ZFAND3: variants seen among roughly 807,000 people sequenced by gnomAD.
ZFAND3 encodes zinc finger AN1-type containing 3, also known as AN1-type zinc finger protein 3.
In ZFAND3, 10 loss-of-function variants were observed where a neutral mutation model predicts 29.6. That is an observed-to-expected ratio of 0.34 (90% CI 0.21 to 0.57). ZFAND3 has a LOEUF of 0.57. Ranked by LOEUF, ZFAND3 falls within the 20% of genes least tolerant of loss-of-function variation. The pLI is 0.86. For missense variants in ZFAND3, 230 were observed against 304.5 expected, an observed-to-expected ratio of 0.76 and a Z score of 1.82; for synonymous variants, 128 against 112.6, an observed-to-expected ratio of 1.14 and a Z score of -0.87.
chr6:38,068,208 C>A (rs939648729), intron 3 of ZFAND3, among the ~76,000 whole-genome samples: 7 of 152,110 alleles, frequency 4.6e-5, no homozygotes, highest in Non-Finnish European at 8.8e-5. Context: ...CCAAATCCAG[C>A]CTATCATCTG....
intron 5 of ZFAND3, among the ~76,000 whole-genome samples, chr6:38,146,733 T>G (rs1318350219): frequency 1.3e-5 from 2 of 152,168 alleles, no homozygotes; most frequent in African/African-American, 4.8e-5. Flanking sequence ...TTCCTCTCTC[T>G]TTTTGGGGGG....
At chr6:38,040,466 T>C (rs1763738296) in intron 2 of ZFAND3, among the ~76,000 whole-genome samples, 1 of 152,150 alleles carries the variant, frequency 6.6e-6, no homozygotes, top group African/African-American at 2.4e-5. Flanking sequence ...TACTACATTT[T>C]GTTTATACAT....
intron 4 of ZFAND3, among the ~76,000 whole-genome samples, chr6:38,086,629 C>T (rs1252407996): frequency 1.3e-5 from 2 of 152,180 alleles, no homozygotes; most frequent in Non-Finnish European, 2.9e-5. Context: ...TCCCTTTTGT[C>T]CCTCATCTTT....
chr6:38,088,995 T>C (rs1266771762), intron 4 of ZFAND3, among the ~76,000 whole-genome samples: 3 of 151,372 alleles, frequency 2.0e-5, no homozygotes, highest in African/African-American at 7.4e-5. Context: ...CCCTCCCTAT[T>C]TTCGGTCACC....
chr6:37,974,473 C>T, intron 2 of ZFAND3, among the ~76,000 whole-genome samples: 1 of 149,908 alleles, frequency 6.7e-6, no homozygotes, highest in East Asian at 2.0e-4. Flanking sequence ...AGCGTGATCA[C>T]ACCTCACTGC....
At chr6:37,854,433 C>T (rs1764338693) in intron 1 of ZFAND3, among the ~76,000 whole-genome samples, 1 of 152,134 alleles carries the variant, frequency 6.6e-6, no homozygotes, top group African/African-American at 2.4e-5. Context: ...CTTTATAGCT[C>T]AAGTCCCTTT....
At chr6:37,888,772 A>G (rs912173456) in intron 1 of ZFAND3, among the ~76,000 whole-genome samples, 1 of 152,234 alleles carries the variant, frequency 6.6e-6, no homozygotes, top group African/African-American at 2.4e-5. Flanking sequence ...TTTTGGCTGC[A>G]AGAGACTTAA....
rs1345218811 is a variant in ZFAND3, at chr6:37,883,656, C to T, written c.72-46303C>T. Among the ~76,000 whole-genome samples the T allele has an allele frequency of 1.4e-5, 2 of 144,026 alleles. 1 individual carries two copies. Among genetic ancestry groups the T allele is most frequent in the African/African-American group, 5.7e-5 (2 of 35,270 alleles). 94.5% of individuals were successfully genotyped at this position (144,026 alleles called of 152,430 possible). On this transcript the variant is annotated intron_variant, in intron 1 of 5. Coordinates refer to ENST00000287218, the MANE Select transcript of ZFAND3 (RefSeq NM_021943.3). ...CTCCTGGGTTCAAGCAATTCTCTGC[C>T]TCAGCCTCCTGAGTAGCTGGGATTA... is the stretch of plus-strand genomic sequence containing the variant.
intron 2 of ZFAND3, among the ~76,000 whole-genome samples, chr6:38,053,944 AT>A (rs879692598): frequency 9.5e-4 from 139 of 146,962 alleles, no homozygotes; most frequent in Middle Eastern, 3.6e-3. Flanking sequence ...GACAAGGTCT[AT>A]TTTTTTTTTT....
intron 2 of ZFAND3, 38 bp downstream of exon 2, chr6:37,930,037 TTTTC>T (rs1427889241): frequency 4.5e-6 from 7 of 1,544,590 alleles, no homozygotes; most frequent in East Asian, 2.3e-5. Context: ...TTACTTTCAT[TTTTC>T]TTTCTTTTTT....
At chr6:38,025,426 A>G (rs940573105) in intron 2 of ZFAND3, among the ~76,000 whole-genome samples, 3 of 152,210 alleles carry the variant, frequency 2.0e-5, no homozygotes, top group Admixed American at 2.0e-4. Flanking sequence ...AAGAAAAGAT[A>G]ATTTCTCTGA....
At chr6:37,951,970 TTTC>T (rs1247756305) in intron 2 of ZFAND3, among the ~76,000 whole-genome samples, 1 of 152,220 alleles carries the variant, frequency 6.6e-6, no homozygotes, top group Admixed American at 6.5e-5. Context: ...TCACGTGGTT[TTTC>T]TTTTTAGTTC....
At chr6:37,906,417 T>C (rs564495778) in intron 1 of ZFAND3, among the ~76,000 whole-genome samples, 1 of 152,324 alleles carries the variant, frequency 6.6e-6, no homozygotes, top group Admixed American at 6.5e-5. Flanking sequence ...TATAACAGCC[T>C]TGTTTATCCA....
At chr6:37,917,532 A>G (rs1246703540) in intron 1 of ZFAND3, among the ~76,000 whole-genome samples, 1 of 152,220 alleles carries the variant, frequency 6.6e-6, no homozygotes, top group Non-Finnish European at 1.5e-5. Context: ...GAACAGGAAT[A>G]CTTTAAGTCT....
chr6:38,116,521 C>T, intron 4 of ZFAND3, 51 bp from the exon 5 acceptor site: 1 of 1,558,538 alleles, frequency 6.4e-7, no homozygotes, highest in African/African-American at 1.4e-5. Flanking sequence ...ATCAACTGTG[C>T]TTGCCAGGCC....
At chr6:38,013,017 A>G (rs1205466782) in intron 2 of ZFAND3, among the ~76,000 whole-genome samples, 1 of 152,172 alleles carries the variant, frequency 6.6e-6, no homozygotes, top group African/African-American at 2.4e-5. Flanking sequence ...TATTTTCATA[A>G]TTATACTTGA....
chr6:37,980,623 C>A (rs1264345551), intron 2 of ZFAND3, among the ~76,000 whole-genome samples: 1 of 152,188 alleles, frequency 6.6e-6, no homozygotes. Context: ...CATCCCCTTG[C>A]AGTACAATTT....
chr6:37,831,535 C>T (rs1763862117), intron 1 of ZFAND3, among the ~76,000 whole-genome samples: 1 of 152,140 alleles, frequency 6.6e-6, no homozygotes, highest in African/African-American at 2.4e-5. Flanking sequence ...ACTGACAAAA[C>T]AGTGTTCGAG....
At chr6:38,145,375 G>A (rs1228643604) in intron 5 of ZFAND3, among the ~76,000 whole-genome samples, 1 of 152,200 alleles carries the variant, frequency 6.6e-6, no homozygotes, top group East Asian at 1.9e-4. Flanking sequence ...ATAAGTGAGT[G>A]AGATGTTGTT....
Sources: allele counts gnomAD v4.1 joint callset (sites outside exome capture counted in the v4.1 genomes callset), GRCh38; gene constraint gnomAD v4.1.1; transcripts MANE v1.5; gene names NCBI Gene and HGNC (gene_info 2026-07-23, HGNC 2026-07-21).